SAMSN1: variants seen among roughly 807,000 people sequenced by gnomAD.
SAMSN1 encodes the protein SAM domain-containing protein SAMSN-1.
SAMSN1 carries 31 observed loss-of-function variants against 42.0 expected under a neutral mutation model. The ratio of observed to expected loss-of-function variants is 0.74; its 90% CI spans 0.55 to 1.00. SAMSN1 has a LOEUF of 1.00. Ranked by LOEUF, SAMSN1 falls within the 50% of genes least tolerant of loss-of-function variation. The pLI, the probability that SAMSN1 is intolerant of heterozygous loss-of-function variation, is 0.00. For missense variants in SAMSN1, 464 were observed against 439.4 expected, an observed-to-expected ratio of 1.06 and a Z score of -0.50; for synonymous variants, 178 against 151.9, an observed-to-expected ratio of 1.17 and a Z score of -1.26.
chr21:14,572,145 TATA>T (rs1981321564), intron 2 of SAMSN1, among the ~76,000 whole-genome samples: 1 of 152,164 alleles, frequency 6.6e-6, no homozygotes. Flanking sequence ...ATTAGAAACA[TATA>T]ATAATAAATT....
upstream of SAMSN1, among the ~76,000 whole-genome samples, chr21:14,550,518 A>G (rs1980562153): frequency 6.6e-6 from 1 of 152,116 alleles, no homozygotes; most frequent in Admixed American, 6.6e-5. Context: ...AAGACGTGAA[A>G]TCAAGCATAT....
rs996207801 is a variant in SAMSN1, at chr21:14,596,253, A to G, written c.400-2175T>C. 3.3e-5 allele frequency among the ~76,000 whole-genome samples: 5 copies of G among 152,080 alleles called. No individual in the cohort carries two copies. In the East Asian group the frequency reaches 9.7e-4, roughly 29 times the overall value. ...TGTTTCTTTAATACCAACAAAAGCC[A>G]CTCTTGAAAGTCTTCTACTATTAAA... On this transcript the variant is annotated intron_variant, in intron 6 of 15. Transcript: ENST00000647101.
intron 2 of SAMSN1, among the ~76,000 whole-genome samples, chr21:14,569,486 A>G (rs1014770609): frequency 6.6e-6 from 1 of 152,138 alleles, no homozygotes; most frequent in South Asian, 2.1e-4. Flanking sequence ...GATATTTTTA[A>G]TCTTAACCCT....
At chr21:14,537,074 G>T (rs1458494579) in intron 1 of SAMSN1, among the ~76,000 whole-genome samples, 1 of 152,186 alleles carries the variant, frequency 6.6e-6, no homozygotes, top group African/African-American at 2.4e-5. Context: ...GCCAGATTCT[G>T]TCACTTCTCA....
At chr21:14,650,332 A>C (rs1358189631) in intron 1 of SAMSN1, among the ~76,000 whole-genome samples, 1 of 152,196 alleles carries the variant, frequency 6.6e-6, no homozygotes, top group African/African-American at 2.4e-5. Context: ...AATAATATCA[A>C]GCATCTTCTC....
intron 7 of SAMSN1, among the ~76,000 whole-genome samples, chr21:14,492,448 G>T (rs572209113): frequency 2.6e-5 from 4 of 152,130 alleles, no homozygotes; most frequent in Non-Finnish European, 5.9e-5. Flanking sequence ...CTCATTTTAT[G>T]TTAACCATCC....
chr21:14,528,969 G>A (rs554429788), intron 1 of SAMSN1, among the ~76,000 whole-genome samples: 1 of 152,162 alleles, frequency 6.6e-6, no homozygotes, highest in Admixed American at 6.5e-5. Flanking sequence ...CAGATGATGA[G>A]AACTGAGGCT....
At chr21:14,607,101 T>C (rs1395868055) in intron 5 of SAMSN1, among the ~76,000 whole-genome samples, 1 of 152,244 alleles carries the variant, frequency 6.6e-6, no homozygotes, top group Non-Finnish European at 1.5e-5. Flanking sequence ...TATTTTCTTC[T>C]ATTTTATTGA....
At chr21:14,653,569 T>C (rs1047823579) in intron 1 of SAMSN1, among the ~76,000 whole-genome samples, 2 of 151,934 alleles carry the variant, frequency 1.3e-5, no homozygotes, top group African/African-American at 2.4e-5. Flanking sequence ...AGAATGAATA[T>C]GAGCTACTAT....
chr21:14,550,459 A>G (rs577441154), upstream of SAMSN1, among the ~76,000 whole-genome samples: 96 of 152,208 alleles, frequency 6.3e-4, 1 homozygote, highest in Admixed American at 2.8e-3. Flanking sequence ...GATTCTATTA[A>G]CAGGAAGTGG....
intron 1 of SAMSN1, among the ~76,000 whole-genome samples, chr21:14,655,828 G>C (rs1288939794): frequency 6.6e-6 from 1 of 151,758 alleles, no homozygotes; most frequent in African/African-American, 2.4e-5. Context: ...ATACTTTATA[G>C]ATTATTTGTA....
At chr21:14,604,675 A>T (rs2123306871) in intron 5 of SAMSN1, among the ~76,000 whole-genome samples, 1 of 152,354 alleles carries the variant, frequency 6.6e-6, no homozygotes, top group Non-Finnish European at 1.5e-5. Flanking sequence ...TGTTGCACAC[A>T]CTTGAAACCC....
chr21:14,516,824 ATAGTC>A, intron 3 of SAMSN1, 63 bp downstream of exon 3: 1 of 1,326,934 alleles, frequency 7.5e-7, no homozygotes, highest in Non-Finnish European at 1.0e-6. Flanking sequence ...AAGCACTTCT[ATAGTC>A]TAGCTGAATA....
intron 1 of SAMSN1, among the ~76,000 whole-genome samples, chr21:14,539,730 A>T (rs913562097): frequency 3.0e-4 from 46 of 152,194 alleles, no homozygotes; most frequent in African/African-American, 1.1e-3. Context: ...AAGGTAATTT[A>T]TAGATTCAAT....
Position 14,501,660 on chromosome 21 carries a change from T to G in SAMSN1, c.562-925A>C, listed in dbSNP as rs571903954. ...TATAAAATAAACCCATTTCAAGTATTTCATTCATCTAAAATAAAGAAATTT... is the reference window on the plus strand; with the variant it reads ...TATAAAATAAACCCATTTCAAGTATGTCATTCATCTAAAATAAAGAAATTT... On this transcript the variant is annotated intron_variant, in intron 5 of 7. Transcript: ENST00000400566. Among the ~76,000 whole-genome samples the G allele has an allele frequency of 5.3e-5, 8 of 152,142 alleles. No individual in the cohort carries two copies. The East Asian group carries it at 1.6e-3, about 30-fold the overall frequency.
chr21:14,549,928 C>CA (rs61616495), upstream of SAMSN1, among the ~76,000 whole-genome samples: 1,727 of 146,938 alleles, frequency 0.012, 47 homozygotes, highest in Admixed American at 0.069. Flanking sequence ...CCTACAATAT[C>CA]AAAAAAAAAA....
intron 2 of SAMSN1, chr21:14,616,131 T>A: frequency 2.8e-6 from 1 of 356,442 alleles, no homozygotes; most frequent in Non-Finnish European, 5.3e-6. Flanking sequence ...CAAACGTAGT[T>A]CCTTTTGTCT....
chr21:14,635,896 G>T (rs1983455875), intron 2 of SAMSN1, among the ~76,000 whole-genome samples: 2 of 151,854 alleles, frequency 1.3e-5, no homozygotes, highest in Admixed American at 1.3e-4. Flanking sequence ...GTGCCATGTT[G>T]GTTTGCTGCA....
At chr21:14,505,338 C>G (rs1428883159) in intron 5 of SAMSN1, among the ~76,000 whole-genome samples, 1 of 152,144 alleles carries the variant, frequency 6.6e-6, no homozygotes, top group Non-Finnish European at 1.5e-5. Context: ...AAACTATATG[C>G]TGCCTTCAAG....
Sources: gnomAD v4.1 joint callset for allele counts (sites outside exome capture counted in the v4.1 genomes callset) on GRCh38, gnomAD v4.1.1 for gene constraint, MANE v1.5 for transcripts, NCBI Gene and HGNC (gene_info 2026-07-23, HGNC 2026-07-21) for gene names.